Variants in EZH1 observed in about 807,000 individuals in gnomAD.
The protein encoded by EZH1 is histone-lysine N-methyltransferase EZH1.
A neutral mutation model predicts 100.5 loss-of-function variants in EZH1; 33 were observed. That is an observed-to-expected ratio of 0.33 (90% CI 0.25 to 0.44). EZH1 has a LOEUF of 0.44. Among genes scored for constraint, EZH1 ranks in the 20% least tolerant of loss-of-function variants. The pLI, the probability that EZH1 is intolerant of heterozygous loss-of-function variation, is 1.00. For missense variants in EZH1, 475 were observed against 928.4 expected (o/e 0.51, Z 6.35); for synonymous variants, 272 against 313.8 (o/e 0.87, Z 1.41).
At chr17:42,707,162 C>T (rs2053372457) in intron 15 of EZH1, among the ~76,000 whole-genome samples, 1 of 151,446 alleles carries the variant, frequency 6.6e-6, no homozygotes, top group Non-Finnish European at 1.5e-5. Flanking sequence ...TAGACATACA[C>T]AGAATCACAA....
chr17:42,715,286 T>TA (rs2053580815), intron 10 of EZH1, among the ~76,000 whole-genome samples: 1 of 145,378 alleles, frequency 6.9e-6, no homozygotes, highest in African/African-American at 2.5e-5. Context: ...ATATATATAT[T>TA]TTTTTGAGAC....
chr17:42,704,693 T>C lies in EZH1; in HGVS notation c.1936-10A>G, dbSNP rs1341316907. 3.7e-6 allele frequency: 6 copies of C among 1,611,648 alleles called. No homozygotes were observed. Among genetic ancestry groups the C allele is most frequent in the South Asian group, 1.1e-5 (1 of 90,746 alleles). ...CATCCTGAGAGATGAGCTAGAGAGA[T>C]AGACAAATAACAAATAGGAGTATCA... On this transcript the variant is annotated splice_polypyrimidine_tract_variant and intron_variant, in intron 17 of 20. Transcript: ENST00000428826.
At chr17:42,709,793 G>T in intron 13 of EZH1, 53 bp downstream of exon 13, 1 of 1,564,612 alleles carries the variant, frequency 6.4e-7, no homozygotes, top group Non-Finnish European at 8.8e-7. Flanking sequence ...GGAGGTCAGA[G>T]CACAGGGAAC....
chr17:42,713,893 T>C lies in EZH1; in HGVS notation c.1024-504A>G, dbSNP rs1164612771. ...ACACATTCTCCTATGGATGAAGAAA[T>C]GAGATTCAGAGAGGGGAAGAAACTA... On this transcript the variant is annotated intron_variant, in intron 10 of 20. Transcript: ENST00000428826. 3.3e-5 allele frequency among the ~76,000 whole-genome samples: 5 copies of C among 152,162 alleles called. No individual in the cohort carries two copies. The East Asian group carries it at 9.6e-4, about 29-fold the overall frequency.
rs1370849573 is a variant in EZH1 at position 42,706,254 on chromosome 17, G to A, written c.1661-69C>T. 1.6e-5 allele frequency: 22 copies of A among 1,379,880 alleles called. No individual in the cohort carries two copies. The highest frequency in any genetic ancestry group is 2.0e-5 in the Non-Finnish European group (21 of 1,039,848). 85.5% of individuals were successfully genotyped at this position (1,379,880 alleles called of 1,614,324 possible). On this transcript the variant is annotated intron_variant, in intron 15 of 20. Coordinates refer to ENST00000428826, the MANE Select transcript of EZH1 (RefSeq NM_001991.5). The surrounding 1 kb of genome is among the most constrained non-coding windows in gnomAD (Gnocchi z 4.4). ...ATACTGGGGCTTGTGGTTGACTCAA[G>A]GGACAGCAAAGAAGTAAATTTTTTG...
At chr17:42,739,166 C>A (rs963739891) in intron 1 of EZH1, among the ~76,000 whole-genome samples, 2 of 152,140 alleles carry the variant, frequency 1.3e-5, no homozygotes, top group African/African-American at 2.4e-5. Flanking sequence ...TAGTAACACA[C>A]CTTTGGGTCA....
Position 42,712,272 on chromosome 17 carries a change from C to T in EZH1, c.1401+17G>A, listed in dbSNP as rs1475405905. The T allele has an allele frequency of 3.1e-6, 5 of 1,610,876 alleles. No individual in the cohort carries two copies. Among genetic ancestry groups the T allele is most frequent in the Non-Finnish European group, 4.2e-6 (5 of 1,178,890 alleles). ...TGAAAGGAGGGGCCCATTTGTTCTG[C>T]TGCTTCCAGATGGTACCTGCTTGCA... On this transcript the variant is annotated intron_variant, in intron 12 of 20. Transcript: ENST00000428826.
intron 1 of EZH1, among the ~76,000 whole-genome samples, chr17:42,744,593 G>T (rs1290992308): frequency 6.6e-6 from 1 of 152,046 alleles, no homozygotes; most frequent in Non-Finnish European, 1.5e-5. Context: ...GATCAGCCCC[G>T]GTCTCTAGCC....
At position 42,700,541 on chromosome 17, in the gene EZH1, AG is replaced by A. The variant is rs2053221111; in HGVS notation, c.*1990del. Reference sequence around the variant, plus strand: ...CACAGTGATTCTGCTCACTGAAGGAAGGGTGGGGTCAGTCTAGTCTCTCAAA... The same window carrying A: ...CACAGTGATTCTGCTCACTGAAGGAAGGTGGGGTCAGTCTAGTCTCTCAAA... On this transcript the variant is annotated 3_prime_UTR_variant, in exon 21 of 21. Transcript: ENST00000428826. 1 of 152,388 alleles carries A rather than the reference AG, an allele frequency of 6.6e-6. No individual in the cohort carries two copies. Among genetic ancestry groups the A allele is most frequent in the Admixed American group, 6.5e-5 (1 of 15,268 alleles). The allele number at this position is 152,388 out of a possible 1,614,324, so 9.4% of individuals were successfully genotyped here.
chr17:42,717,557 G>C (rs1361829014), intron 10 of EZH1, among the ~76,000 whole-genome samples: 1 of 152,068 alleles, frequency 6.6e-6, no homozygotes, highest in Non-Finnish European at 1.5e-5. Context: ...CTGTCCATCA[G>C]GGAACGGTCC....
chr17:42,742,432 T>G (rs1357788309), intron 1 of EZH1, among the ~76,000 whole-genome samples: 10 of 152,006 alleles, frequency 6.6e-5, no homozygotes, highest in Non-Finnish European at 1.2e-4. Flanking sequence ...GTGTAAGCCA[T>G]CAGCCCAGCC....
chr17:42,703,680 G>T, intron 19 of EZH1, 60 bp downstream of exon 19: 2 of 1,193,090 alleles, frequency 1.7e-6, no homozygotes, highest in South Asian at 2.5e-5. Context: ...AACAACGAAT[G>T]GAAATCACAG....
chr17:42,736,228 A>G (rs1304711513), intron 1 of EZH1, among the ~76,000 whole-genome samples: 1 of 152,236 alleles, frequency 6.6e-6, no homozygotes, highest in Non-Finnish European at 1.5e-5. Flanking sequence ...GCAAAGTGAT[A>G]TAGCCACTGT....
intron 13 of EZH1, chr17:42,709,147 T>C: frequency 1.7e-6 from 1 of 577,232 alleles, no homozygotes; most frequent in Non-Finnish European, 3.1e-6. Flanking sequence ...AACAAGCAAA[T>C]AACATAAAAG....
rs770890001 is a variant in EZH1 at position 42,722,776 on chromosome 17, A to G, written c.487+19T>C. Reference sequence around the variant, plus strand: ...CCTGATTCTAACAAAATTTTCTCCAAGGAGTTCAGTACCACTACCTTCTTC... The same window carrying G: ...CCTGATTCTAACAAAATTTTCTCCAGGGAGTTCAGTACCACTACCTTCTTC... On this transcript the variant is annotated intron_variant, in intron 6 of 20. Transcript: ENST00000428826. 1.2e-6 allele frequency: 2 copies of G among 1,603,650 alleles called. No individual in the cohort carries two copies. Among genetic ancestry groups the G allele is most frequent in the Admixed American group, 3.5e-5 (2 of 57,038 alleles).
intron 1 of EZH1, among the ~76,000 whole-genome samples, chr17:42,736,449 G>A (rs1248800355): frequency 7.2e-5 from 11 of 152,150 alleles, no homozygotes; most frequent in South Asian, 4.1e-4. Flanking sequence ...AATGTAGTGT[G>A]TATAGATATA....
chr17:42,719,196 T>C lies in EZH1; in HGVS notation c.676A>G (p.Ser226Gly). 6.2e-7 allele frequency: 1 copy of C among 1,613,616 alleles called. No homozygotes were observed. Among genetic ancestry groups the C allele is most frequent in the Non-Finnish European group, 8.5e-7 (1 of 1,179,608 alleles). ...TCATTTGGGAACTGTTTCTTGGAACTCTTTTTGTTGCCTGAATTGGAAATG... is the reference window on the plus strand; with the variant it reads ...TCATTTGGGAACTGTTTCTTGGAACCCTTTTTGTTGCCTGAATTGGAAATG... ...KRHAIEGNKK[S>G]SKKQFPNDMI... Residue 226 changes from serine to glycine, a missense_variant, in exon 8 of 21, where the codon AGT (serine) becomes GGT (glycine). Coordinates refer to ENST00000428826, the MANE Select transcript of EZH1 (RefSeq NM_001991.5).
chr17:42,715,623 A>G (rs1012958792), intron 10 of EZH1, among the ~76,000 whole-genome samples: 17 of 152,182 alleles, frequency 1.1e-4, no homozygotes, highest in African/African-American at 3.6e-4. Context: ...AGGAGACAGA[A>G]GAACACAGAA....
intron 1 of EZH1, among the ~76,000 whole-genome samples, chr17:42,734,980 G>A (rs1349327237): frequency 7.4e-6 from 1 of 135,780 alleles, no homozygotes; most frequent in Non-Finnish European, 1.6e-5. Context: ...GTGACAGAGT[G>A]AGACTCGGTC....
Sources: gnomAD v4.1 joint callset for allele counts (sites outside exome capture counted in the v4.1 genomes callset) on GRCh38, gnomAD v4.1.1 for gene constraint, Gnocchi (gnomAD v3.1) non-coding constraint, MANE v1.5 for transcripts, NCBI Gene and HGNC (gene_info 2026-07-23, HGNC 2026-07-21) for gene names.